Variants in CLGN observed in about 807,000 individuals in gnomAD.
CLGN encodes the protein calmegin, also known as testis tissue sperm-binding protein Li 79P.
A neutral mutation model predicts 79.1 loss-of-function variants in CLGN; 62 were observed. That is an observed-to-expected ratio of 0.78 (90% confidence interval 0.64 to 0.97). The LOEUF is 0.97. Among genes scored for constraint, CLGN ranks in the 50% least tolerant of loss-of-function variants. The pLI, the probability that CLGN is intolerant of heterozygous loss-of-function variation, is 0.00. For synonymous variants in CLGN, 225 were observed against 224.7 expected (o/e 1.00, Z -0.01); for missense variants, 647 against 715.5 (o/e 0.90, Z 1.09).
intron 7 of CLGN, among the ~76,000 whole-genome samples, chr4:140,399,722 C>G (rs1728964159): frequency 6.6e-6 from 1 of 152,144 alleles, no homozygotes; most frequent in Non-Finnish European, 1.5e-5. Context: ...AGTGGGCTGA[C>G]CAGAGCTCTA....
chr4:140,397,772 C>T (rs899778871), intron 8 of CLGN, among the ~76,000 whole-genome samples: 4 of 151,976 alleles, frequency 2.6e-5, no homozygotes, highest in Admixed American at 1.3e-4. Flanking sequence ...GGCGTGGTGG[C>T]GCTTGCCTGT....
intron 12 of CLGN, 82 bp downstream of exon 12, chr4:140,392,504 T>C: frequency 6.6e-7 from 1 of 1,505,940 alleles, no homozygotes. Context: ...GTTTATTACT[T>C]TTAAGAATCG....
chr4:140,393,747 G>T, intron 11 of CLGN, 79 bp downstream of exon 11: 2 of 1,184,170 alleles, frequency 1.7e-6, no homozygotes, highest in Non-Finnish European at 2.4e-6. Flanking sequence ...ATTTAAAAGA[G>T]CCATCTGAAT....
chr4:140,392,025 AG>A (rs556418539), intron 13 of CLGN, among the ~76,000 whole-genome samples, 193 bp downstream of exon 13: 61 of 152,086 alleles, frequency 4.0e-4, no homozygotes, highest in African/African-American at 1.4e-3. Context: ...CCTTCTTCCT[AG>A]AATGCAAAAA....
chr4:140,400,668 G>A (rs947830745), intron 6 of CLGN, 119 bp from the exon 7 acceptor site: 15 of 614,322 alleles, frequency 2.4e-5, no homozygotes, highest in Middle Eastern at 4.5e-4. Flanking sequence ...TCACCAGAGA[G>A]CTAGCTATTT....
intron 1 of CLGN, among the ~76,000 whole-genome samples, chr4:140,422,132 A>G (rs906891246): frequency 8.5e-5 from 13 of 152,152 alleles, no homozygotes; most frequent in Admixed American, 5.9e-4. Context: ...TATCCCATTG[A>G]TATATATGTC....
intron 5 of CLGN, among the ~76,000 whole-genome samples, chr4:140,405,059 T>C (rs1729074188): frequency 6.6e-6 from 1 of 152,170 alleles, no homozygotes; most frequent in African/African-American, 2.4e-5. Flanking sequence ...TTCATAAACA[T>C]TTATTTTTGA....
intron 4 of CLGN, among the ~76,000 whole-genome samples, chr4:140,408,081 G>T (rs541340886): frequency 6.6e-6 from 1 of 152,076 alleles, no homozygotes; most frequent in South Asian, 2.1e-4. Context: ...ATTAGGGAAA[G>T]GACACCCTAT....
chr4:140,390,798 A>G, intron 13 of CLGN, 70 bp from the exon 14 acceptor site: 1 of 937,058 alleles, frequency 1.1e-6, no homozygotes, highest in East Asian at 2.8e-5. Context: ...AGTATTAAAT[A>G]CAATAAATGG....
At position 140,393,971 on chromosome 4, in the gene CLGN, G is replaced by A. The variant is rs563971370; in HGVS notation, c.1220C>T (p.Ser407Phe). The A allele has an allele frequency of 6.2e-7, 1 of 1,613,716 alleles. No individual in the cohort carries two copies. The highest frequency in any genetic ancestry group is 1.1e-5 in the South Asian group (1 of 91,052). ...AAGCTCTAAACCAAGAGCACTGAAAGAAGTCAGAAGAAATGGATGATCATC... is the reference window on the plus strand; with the variant it reads ...AAGCTCTAAACCAAGAGCACTGAAAAAAGTCAGAAGAAATGGATGATCATC... ...FEDDHPFLLTSFSALGLELWS... is the reference protein window; with the variant it reads ...FEDDHPFLLTFFSALGLELWS... The change falls in exon 11 of 15, where the codon TCT (serine) becomes TTT (phenylalanine). Residue 407 changes from serine (S) to phenylalanine (F), a missense_variant. Ser to Phe is a radical substitution (Grantham distance 155). Coordinates refer to ENST00000325617, the MANE Select transcript of CLGN (RefSeq NM_004362.3).
rs867991764 is a variant in CLGN at position 140,405,181 on chromosome 4, T to A, written c.419+761A>T. On this transcript the variant is annotated intron_variant, in intron 5 of 14. Transcript: ENST00000325617. ...AACAAGTAATTTTTTTTATTTTTAT[T>A]TTTTTTTTTATTTTTTTTTTTGAGA... 4.7e-5 allele frequency among the ~76,000 whole-genome samples: 6 copies of A among 126,878 alleles called. No homozygotes were observed. In the East Asian group the frequency reaches 6.5e-4, roughly 14 times the overall value. 83.2% of individuals were successfully genotyped at this position (126,878 alleles called of 152,430 possible). A position where few individuals can be genotyped will look rare whatever the true frequency, so the allele number is the denominator to read the frequency against.
intron 1 of CLGN, among the ~76,000 whole-genome samples, chr4:140,425,367 A>C (rs961142828): frequency 3.9e-5 from 6 of 151,936 alleles, no homozygotes; most frequent in African/African-American, 1.5e-4. Context: ...GAATCCCTGA[A>C]TCATTACTTG....
At position 140,389,108 on chromosome 4, in the gene CLGN, T is replaced by C. The variant is rs891383671; in HGVS notation, c.*116A>G. 8 of 754,214 alleles carry C rather than the reference T, an allele frequency of 1.1e-5. No individual in the cohort carries two copies. Among genetic ancestry groups the C allele is most frequent in the African/African-American group, 5.3e-5 (3 of 56,756 alleles). 46.7% of individuals were successfully genotyped at this position (754,214 alleles called of 1,614,324 possible). A position where few individuals can be genotyped will look rare whatever the true frequency, so the allele number is the denominator to read the frequency against. On this transcript the variant is annotated 3_prime_UTR_variant, in exon 15 of 15. Coordinates refer to ENST00000325617, the MANE Select transcript of CLGN (RefSeq NM_004362.3). ...ACTAAAATAAATGTCTGAAAGAATA[T>C]AATGTTGCTAGATATTAGAAACAGG... is the stretch of plus-strand genomic sequence containing the variant.
chr4:140,394,912 T>C (rs1379636661), intron 10 of CLGN, among the ~76,000 whole-genome samples: 3 of 152,090 alleles, frequency 2.0e-5, no homozygotes, highest in Non-Finnish European at 4.4e-5. Flanking sequence ...CTGGGTTCGG[T>C]GGCTTACTTC....
At chr4:140,418,385 C>T (rs1434231586) in intron 1 of CLGN, among the ~76,000 whole-genome samples, 13 of 147,866 alleles carry the variant, frequency 8.8e-5, no homozygotes, top group Non-Finnish European at 1.5e-4. Context: ...TTCTGCACAG[C>T]AAAAGAAACT....
intron 8 of CLGN, among the ~76,000 whole-genome samples, chr4:140,396,874 C>CATATATATACATATATATATAT (rs1728888886): frequency 9.1e-6 from 1 of 109,540 alleles, no homozygotes; most frequent in Non-Finnish European, 1.7e-5. Context: ...TATATATATA[C>CATATATATACATATATATATAT]ATATATATAT....
intron 5 of CLGN, 61 bp downstream of exon 5, chr4:140,405,881 T>C (rs2126624702): frequency 6.6e-7 from 1 of 1,515,952 alleles, no homozygotes; most frequent in Non-Finnish European, 8.9e-7. Flanking sequence ...ACAAGCTATA[T>C]TCAGAAGCCA....
intron 4 of CLGN, 84 bp downstream of exon 4, chr4:140,409,753 C>A: frequency 1.2e-6 from 1 of 830,106 alleles, no homozygotes; most frequent in Admixed American, 2.6e-5. Flanking sequence ...CTCCAGCCAA[C>A]ACAATTTAAC....
At chr4:140,392,408 T>C in intron 12 of CLGN, 30 bp from the exon 13 acceptor site, 2 of 1,569,242 alleles carry the variant, frequency 1.3e-6, no homozygotes, top group Non-Finnish European at 1.7e-6. Flanking sequence ...TTATTTTTAC[T>C]AAAGGCAGAG....
Sources: allele counts gnomAD v4.1 joint callset (sites outside exome capture counted in the v4.1 genomes callset), GRCh38; gene constraint gnomAD v4.1.1; transcripts MANE v1.5; gene names NCBI Gene and HGNC (gene_info 2026-07-23, HGNC 2026-07-21).